The following PLD1 variants were observed in gnomAD, a reference collection of about 807,000 sequenced individuals.
PLD1 encodes the protein choline phosphatase 1.
A neutral mutation model predicts 137.1 loss-of-function variants in PLD1; 112 were observed. The observed-to-expected ratio is 0.82, with a 90% CI of 0.70 to 0.96. PLD1 has a LOEUF of 0.96. PLD1 is among the 40% of genes least tolerant of loss of function. The probability of loss-of-function intolerance (pLI) is 0.00; values close to 1 mark genes in which losing one functional copy is unlikely to be tolerated. For synonymous variants in PLD1, 431 were observed against 454.7 expected, an observed-to-expected ratio of 0.95 and a Z score of 0.66; for missense variants, 1,321 against 1,342.0, an observed-to-expected ratio of 0.98 and a Z score of 0.24.
Position 171,735,192 on chromosome 3 carries a change from A to T in PLD1, c.435-222T>A, listed in dbSNP as rs116541386. ...CACCCAGGATGGAGTGCAGTGGTAC[A>T]ATCATGCTCACTGCAGTTTTAAACT... On this transcript the variant is annotated intron_variant, in intron 4 of 26. Coordinates refer to ENST00000351298, the MANE Select transcript of PLD1 (RefSeq NM_002662.5). Among the ~76,000 whole-genome samples, 1,005 of 152,316 alleles carry T rather than the reference A, an allele frequency of 6.6e-3. 9 individuals are homozygous for T. Among genetic ancestry groups the T allele is most frequent in the African/African-American group, 0.023 (950 of 41,568 alleles).
At chr3:171,672,141 C>T (rs537964597) in intron 19 of PLD1, among the ~76,000 whole-genome samples, 1 of 152,350 alleles carries the variant, frequency 6.6e-6, no homozygotes, top group South Asian at 2.1e-4. Flanking sequence ...CAAACTCTTA[C>T]AGCATGCTGG....
intron 23 of PLD1, among the ~76,000 whole-genome samples, chr3:171,620,760 ATATATATATTATATATATTT>A (rs1313587443): frequency 7.4e-6 from 1 of 135,072 alleles, no homozygotes; most frequent in African/African-American, 3.2e-5. Context: ...ATATATATAT[ATATATATATTATATATATTT>A]TTTTTTTAAT....
At chr3:171,714,817 C>T (rs79843830) in intron 8 of PLD1, among the ~76,000 whole-genome samples, 1,525 of 151,918 alleles carry the variant, frequency 0.01, 14 homozygotes, top group Non-Finnish European at 0.016. Flanking sequence ...TTTAGGATAA[C>T]TTATAGCAAA....
rs1719287056 is a variant in PLD1, at chr3:171,735,485, T to C, written c.434+7A>G. ...TATACTGGCATAATTAATTCCAAAA[T>C]GGTTACCTTCTAGTGGGAATGGGGA... is the stretch of plus-strand genomic sequence containing the variant. On this transcript the variant is annotated splice_region_variant and intron_variant, in intron 4 of 26. Coordinates refer to ENST00000351298, the MANE Select transcript of PLD1 (RefSeq NM_002662.5). The C allele has an allele frequency of 6.2e-7, 1 of 1,611,740 alleles. No homozygotes were observed. The highest frequency in any genetic ancestry group is 8.5e-7 in the Non-Finnish European group (1 of 1,177,888).
At chr3:171,710,041 G>A (rs533463636) in intron 9 of PLD1, among the ~76,000 whole-genome samples, 5 of 151,696 alleles carry the variant, frequency 3.3e-5, no homozygotes, top group South Asian at 4.2e-4. Flanking sequence ...GTTGGCTCCC[G>A]TACAGCAGCG....
At chr3:171,643,978 G>A (rs916150208) in intron 22 of PLD1, among the ~76,000 whole-genome samples, 5 of 151,962 alleles carry the variant, frequency 3.3e-5, no homozygotes, top group East Asian at 1.9e-4. Context: ...TGGTGCACTC[G>A]AACTGTGCAC....
chr3:171,791,260 G>A (rs1375556254), intron 1 of PLD1, among the ~76,000 whole-genome samples: 1 of 152,198 alleles, frequency 6.6e-6, no homozygotes, highest in Non-Finnish European at 1.5e-5. Context: ...TATCTCTTTA[G>A]ATAGGCTCTG....
chr3:171,742,306 G>C (rs986334705), intron 1 of PLD1, among the ~76,000 whole-genome samples: 3 of 152,022 alleles, frequency 2.0e-5, no homozygotes, highest in Non-Finnish European at 4.4e-5. Flanking sequence ...GCTCAATGCC[G>C]CCTTGAACTC....
intron 1 of PLD1, among the ~76,000 whole-genome samples, chr3:171,808,264 C>A (rs1723947808): frequency 6.6e-6 from 1 of 151,888 alleles, no homozygotes; most frequent in South Asian, 2.1e-4. Context: ...GGGTCGGGTG[C>A]AGTGGCTCAC....
At chr3:171,610,406 G>C (rs149268578) in intron 25 of PLD1, among the ~76,000 whole-genome samples, 24 of 152,264 alleles carry the variant, frequency 1.6e-4, no homozygotes, top group African/African-American at 5.8e-4. Flanking sequence ...TAATATCTAT[G>C]TATAGAAAAA....
At chr3:171,655,734 T>C (rs1310420190) in intron 21 of PLD1, among the ~76,000 whole-genome samples, 2 of 152,232 alleles carry the variant, frequency 1.3e-5, no homozygotes, top group Admixed American at 6.5e-5. Flanking sequence ...TATTTTACAG[T>C]TGCAATTAAC....
At chr3:171,802,537 A>G (rs971635749) in intron 1 of PLD1, among the ~76,000 whole-genome samples, 3 of 152,222 alleles carry the variant, frequency 2.0e-5, no homozygotes, top group Non-Finnish European at 4.4e-5. Flanking sequence ...AAAGGCCCTA[A>G]GATGGAACAA....
At chr3:171,733,628 A>G (rs1022884578) in intron 5 of PLD1, 119 bp from the exon 6 acceptor site, 1 of 533,988 alleles carries the variant, frequency 1.9e-6, no homozygotes, top group Non-Finnish European at 3.3e-6. Flanking sequence ...TTATTCAATT[A>G]TTTATTAATA....
At chr3:171,783,617 A>G (rs1722879423) in intron 1 of PLD1, among the ~76,000 whole-genome samples, 3 of 151,788 alleles carry the variant, frequency 2.0e-5, no homozygotes, top group Non-Finnish European at 4.4e-5. Context: ...ATTGATTGAG[A>G]TAGGGTTTGT....
chr3:171,801,809 A>G (rs1200209696), intron 1 of PLD1, among the ~76,000 whole-genome samples: 1 of 152,232 alleles, frequency 6.6e-6, no homozygotes, highest in Non-Finnish European at 1.5e-5. Context: ...GTAGAACTCA[A>G]AAAAGGTAGG....
At chr3:171,764,938 GAAAGAAA>G (rs1721827445) in intron 1 of PLD1, among the ~76,000 whole-genome samples, 16 of 6,208 alleles carry the variant, frequency 2.6e-3, no homozygotes, top group Admixed American at 7.2e-3. Context: ...AGAAAGGAAA[GAAAGAAA>G]GAAAGAAAGA....
Position 171,672,524 on chromosome 3 carries a change from G to A in PLD1, c.2229+1976C>T, listed in dbSNP as rs551058671. On this transcript the variant is annotated intron_variant, in intron 19 of 26. Coordinates refer to ENST00000351298, the MANE Select transcript of PLD1 (RefSeq NM_002662.5). ...TTTTTTTTTGAGTCAGTCTCGCTCTGTTGCCCAGGCTGGAATGCAGGGGTG... is the reference window on the plus strand; with the variant it reads ...TTTTTTTTTGAGTCAGTCTCGCTCTATTGCCCAGGCTGGAATGCAGGGGTG... Among the ~76,000 whole-genome samples, 4 of 149,100 alleles carry A rather than the reference G, an allele frequency of 2.7e-5. No individual in the cohort carries two copies. In the East Asian group the frequency reaches 5.9e-4, roughly 22 times the overall value.
chr3:171,685,282 T>A (rs1235378831), intron 16 of PLD1, among the ~76,000 whole-genome samples: 1 of 152,172 alleles, frequency 6.6e-6, no homozygotes, highest in South Asian at 2.1e-4. Context: ...AAGTCTAGCA[T>A]AATTTTTCAG....
At chr3:171,710,014 G>A (rs1216096912) in intron 9 of PLD1, among the ~76,000 whole-genome samples, 3 of 152,190 alleles carry the variant, frequency 2.0e-5, no homozygotes, top group East Asian at 1.9e-4. Flanking sequence ...CTATTTTTAA[G>A]TATTAGTTAG....
Sources: gnomAD v4.1 joint callset for allele counts (sites outside exome capture counted in the v4.1 genomes callset) on GRCh38, gnomAD v4.1.1 for gene constraint, MANE v1.5 for transcripts, NCBI Gene and HGNC (gene_info 2026-07-23, HGNC 2026-07-21) for gene names.